The following DCC variants were observed in gnomAD, a reference collection of about 807,000 sequenced individuals.
The protein encoded by DCC is netrin receptor DCC.
Under a neutral mutation model 172.5 loss-of-function variants are expected in DCC, and 58 were observed. The observed-to-expected ratio is 0.34, with a 90% CI of 0.27 to 0.42. The LOEUF (loss-of-function observed/expected upper bound fraction) is 0.42, where lower values mean the gene tolerates loss of function less well. Among genes scored for constraint, DCC ranks in the 10% least tolerant of loss-of-function variants. The pLI is 1.00. For synonymous variants in DCC, 709 were observed against 644.5 expected, an observed-to-expected ratio of 1.10 and a Z score of -1.52; for missense variants, 1,740 against 1,791.0, an observed-to-expected ratio of 0.97 and a Z score of 0.51.
chr18:52,485,923 A>T (rs185436096), intron 1 of DCC, among the ~76,000 whole-genome samples: 4 of 152,022 alleles, frequency 2.6e-5, no homozygotes, highest in Admixed American at 6.6e-5. Flanking sequence ...TTTTTATGAT[A>T]AAAAAAGCAT....
chr18:52,514,581 A>G (rs2144653795), intron 1 of DCC, among the ~76,000 whole-genome samples: 1 of 152,312 alleles, frequency 6.6e-6, no homozygotes, highest in Non-Finnish European at 1.5e-5. Context: ...TATGCATGAG[A>G]CTGCTGATTT....
chr18:52,501,626 C>A (rs1002063143), intron 1 of DCC, among the ~76,000 whole-genome samples: 1 of 152,172 alleles, frequency 6.6e-6, no homozygotes, highest in African/African-American at 2.4e-5. Flanking sequence ...TCACAGAGTA[C>A]GGAAGTGGCA....
intron 5 of DCC, among the ~76,000 whole-genome samples, chr18:52,973,673 T>G (rs991591979): frequency 9.9e-5 from 15 of 152,194 alleles, no homozygotes; most frequent in African/African-American, 3.4e-4. Flanking sequence ...ACTGACTTGC[T>G]TCTTGTGGTG....
chr18:52,977,608 G>A (rs117783188), intron 5 of DCC, among the ~76,000 whole-genome samples: 5,546 of 152,132 alleles, frequency 0.036, 134 homozygotes, highest in African/African-American at 0.058. Context: ...TATCTGGGCC[G>A]GGCGCAGTGG....
At chr18:53,267,149 TAGAGAG>T (rs148961817) in intron 12 of DCC, among the ~76,000 whole-genome samples, 2 of 144,702 alleles carry the variant, frequency 1.4e-5, no homozygotes. Flanking sequence ...TATATATATA[TAGAGAG>T]AGAGAGAGAG....
chr18:53,131,732 G>C (rs1260327725), intron 7 of DCC, among the ~76,000 whole-genome samples: 1 of 152,100 alleles, frequency 6.6e-6, no homozygotes, highest in Non-Finnish European at 1.5e-5. Flanking sequence ...GATGACATAA[G>C]GGAATAGATT....
chr18:53,093,444 TGGGA>T (rs2043042079), intron 7 of DCC, among the ~76,000 whole-genome samples: 1 of 152,188 alleles, frequency 6.6e-6, no homozygotes, highest in Non-Finnish European at 1.5e-5. Flanking sequence ...ATTGTTGATT[TGGGA>T]AAATGATCAT....
intron 7 of DCC, among the ~76,000 whole-genome samples, chr18:53,149,326 A>AG (rs1203694457): frequency 6.6e-6 from 1 of 152,174 alleles, no homozygotes; most frequent in Non-Finnish European, 1.5e-5. Context: ...AGCAGCCCTT[A>AG]GACTCCACTT....
At chr18:53,429,791 C>G (rs1279125163) in intron 21 of DCC, among the ~76,000 whole-genome samples, 1 of 152,074 alleles carries the variant, frequency 6.6e-6, no homozygotes, top group Non-Finnish European at 1.5e-5. Flanking sequence ...ACAGGCATAG[C>G]AGTAACAATG....
chr18:53,244,753 T>C (rs914585320), intron 12 of DCC, among the ~76,000 whole-genome samples: 1 of 152,074 alleles, frequency 6.6e-6, no homozygotes, highest in African/African-American at 2.4e-5. Context: ...AAGCTATGGT[T>C]CATTGGGGTC....
intron 7 of DCC, among the ~76,000 whole-genome samples, chr18:53,094,301 T>G (rs1372861186): frequency 6.6e-6 from 1 of 152,194 alleles, no homozygotes; most frequent in African/African-American, 2.4e-5. Context: ...AAGAAGGACT[T>G]TGTAATGAAA....
intron 15 of DCC, among the ~76,000 whole-genome samples, chr18:53,381,209 G>A (rs570871850): frequency 5.4e-5 from 4 of 73,736 alleles, no homozygotes; most frequent in Non-Finnish European, 1.5e-4. Context: ...ACCAAGTAAG[G>A]TATTTTTAAT....
At chr18:53,035,388 T>G (rs971378941) in intron 5 of DCC, among the ~76,000 whole-genome samples, 3 of 152,090 alleles carry the variant, frequency 2.0e-5, no homozygotes, top group African/African-American at 7.2e-5. Context: ...GAAAGCAAAG[T>G]TTTAAGGTCA....
chr18:52,468,329 T>G (rs1988847626), intron 1 of DCC, among the ~76,000 whole-genome samples: 2 of 152,202 alleles, frequency 1.3e-5, no homozygotes, highest in Non-Finnish European at 2.9e-5. Flanking sequence ...CGAAAAAGAT[T>G]GATGTTGGTA....
intron 5 of DCC, among the ~76,000 whole-genome samples, chr18:52,991,545 TTCCTC>T (rs2041392314): frequency 6.6e-6 from 1 of 152,184 alleles, no homozygotes; most frequent in Admixed American, 6.6e-5. Context: ...CTTCTGCCCT[TTCCTC>T]TGTGAATCCC....
At chr18:52,411,803 C>T (rs749055993) in intron 1 of DCC, among the ~76,000 whole-genome samples, 10 of 152,064 alleles carry the variant, frequency 6.6e-5, no homozygotes, top group East Asian at 1.9e-4. Context: ...TATCACGAGA[C>T]GAAATAGATC....
chr18:52,632,224 T>G (rs2034690593), intron 1 of DCC, among the ~76,000 whole-genome samples: 1 of 152,130 alleles, frequency 6.6e-6, no homozygotes, highest in Non-Finnish European at 1.5e-5. Context: ...GAATGAAGTA[T>G]AATAATGAAT....
chr18:53,022,182 G>A (rs1479338133), intron 5 of DCC, among the ~76,000 whole-genome samples: 2 of 152,048 alleles, frequency 1.3e-5, no homozygotes, highest in Non-Finnish European at 2.9e-5. Context: ...TCAGGATTTA[G>A]CATGAATATA....
intron 12 of DCC, among the ~76,000 whole-genome samples, chr18:53,229,882 C>T (rs1806952106): frequency 6.6e-6 from 1 of 152,092 alleles, no homozygotes; most frequent in Non-Finnish European, 1.5e-5. Flanking sequence ...AGCATGAACA[C>T]ATACATCTTA....
Sources: gnomAD v4.1 joint callset for allele counts (sites outside exome capture counted in the v4.1 genomes callset) on GRCh38, gnomAD v4.1.1 for gene constraint, MANE v1.5 for transcripts, NCBI Gene and HGNC (gene_info 2026-07-23, HGNC 2026-07-21) for gene names.